Variants in NLGN1 observed in about 807,000 individuals in gnomAD.
NLGN1 encodes neuroligin 1.
In NLGN1, 12 loss-of-function variants were observed where a neutral mutation model predicts 65.5. That is an observed-to-expected ratio of 0.18 (90% CI 0.12 to 0.30). The LOEUF (loss-of-function observed/expected upper bound fraction) is 0.30, where lower values mean the gene tolerates loss of function less well. Among genes scored for constraint, NLGN1 ranks in the 10% least tolerant of loss-of-function variants. The pLI is 1.00. For missense variants in NLGN1, 750 were observed against 1,007.1 expected (o/e 0.74, Z 3.46); for synonymous variants, 350 against 359.5 (o/e 0.97, Z 0.30).
At chr3:173,774,036 G>T (rs1779955348) in intron 3 of NLGN1, among the ~76,000 whole-genome samples, 2 of 152,220 alleles carry the variant, frequency 1.3e-5, no homozygotes, top group African/African-American at 4.8e-5. Context: ...AGTGTTGCCA[G>T]AAGACAGCCA....
At chr3:174,002,061 A>G (rs1013660050) in intron 4 of NLGN1, among the ~76,000 whole-genome samples, 2 of 152,042 alleles carry the variant, frequency 1.3e-5, no homozygotes, top group Non-Finnish European at 2.9e-5. Flanking sequence ...ATTTAAAAAA[A>G]AAAAAAAAAA....
intron 2 of NLGN1, among the ~76,000 whole-genome samples, chr3:173,596,732 G>T (rs1390483102): frequency 6.6e-6 from 1 of 152,078 alleles, no homozygotes; most frequent in Non-Finnish European, 1.5e-5. Flanking sequence ...AGCATCCCTT[G>T]GAACTTCTCC....
intron 4 of NLGN1, among the ~76,000 whole-genome samples, chr3:173,902,896 G>T (rs1262975053): frequency 6.6e-6 from 1 of 152,040 alleles, no homozygotes; most frequent in East Asian, 1.9e-4. Flanking sequence ...ATCAAAGCGA[G>T]GCTTAGTACT....
At chr3:174,194,467 A>AAAAAAAAAAGAAAAAGG (rs1732996717) in intron 4 of NLGN1, among the ~76,000 whole-genome samples, 1 of 151,696 alleles carries the variant, frequency 6.6e-6, no homozygotes, top group Non-Finnish European at 1.5e-5. Flanking sequence ...AAAGAAAAAG[A>AAAAAAAAAAGAAAAAGG]AAAAAAAGAA....
intron 4 of NLGN1, among the ~76,000 whole-genome samples, chr3:174,183,643 AT>A (rs1165639866): frequency 2.0e-5 from 3 of 152,168 alleles, no homozygotes; most frequent in African/African-American, 7.2e-5. Flanking sequence ...AATGAGGAAA[AT>A]AGATATTTAC....
At chr3:173,433,378 C>T (rs1717554009) in intron 1 of NLGN1, among the ~76,000 whole-genome samples, 1 of 152,166 alleles carries the variant, frequency 6.6e-6, no homozygotes, top group Non-Finnish European at 1.5e-5. Flanking sequence ...GAAACCTCTC[C>T]TCACAGTGCT....
At chr3:173,906,364 A>C (rs1362024541) in intron 4 of NLGN1, among the ~76,000 whole-genome samples, 1 of 152,152 alleles carries the variant, frequency 6.6e-6, no homozygotes. Flanking sequence ...TCTTAGTAAG[A>C]TTCTGATAAA....
intron 3 of NLGN1, among the ~76,000 whole-genome samples, chr3:173,741,888 C>G (rs1414980862): frequency 6.6e-6 from 1 of 152,094 alleles, no homozygotes; most frequent in South Asian, 2.1e-4. Flanking sequence ...AAACTTCTGT[C>G]CCTGAGGAAA....
In NLGN1 at chr3:173,649,841, A is replaced by C. The variant is rs374767766; in HGVS notation, c.493+44750A>C. ...AGTACACTTAAAGTGTTCAATAAGAAAACTGTGTTCAAATTACTTGAGTTC... is the reference window on the plus strand; with the variant it reads ...AGTACACTTAAAGTGTTCAATAAGACAACTGTGTTCAAATTACTTGAGTTC... On this transcript the variant is annotated intron_variant, in intron 3 of 6. Transcript: ENST00000457714. 9.2e-5 allele frequency among the ~76,000 whole-genome samples: 14 copies of C among 152,182 alleles called. No homozygotes were observed. In the East Asian group the frequency reaches 1.2e-3, roughly 13 times the overall value.
At chr3:174,133,757 C>G (rs190015558) in intron 4 of NLGN1, among the ~76,000 whole-genome samples, 2 of 152,152 alleles carry the variant, frequency 1.3e-5, no homozygotes, top group East Asian at 3.9e-4. Flanking sequence ...GGCAGATTGT[C>G]GGAAGTCCCA....
intron 4 of NLGN1, among the ~76,000 whole-genome samples, chr3:174,044,090 C>G (rs938356921): frequency 6.6e-6 from 1 of 152,144 alleles, no homozygotes; most frequent in Non-Finnish European, 1.5e-5. Flanking sequence ...GTATCTTGGT[C>G]CCCTTTAGCT....
intron 3 of NLGN1, among the ~76,000 whole-genome samples, chr3:173,793,036 G>A (rs577537332): frequency 6.6e-6 from 1 of 152,078 alleles, no homozygotes; most frequent in Admixed American, 6.6e-5. Context: ...TAGAGTGCTT[G>A]CAATTTTAGT....
intron 4 of NLGN1, among the ~76,000 whole-genome samples, chr3:174,076,474 C>T (rs1740930258): frequency 6.6e-6 from 1 of 152,086 alleles, no homozygotes; most frequent in South Asian, 2.1e-4. Context: ...ATTCTGGGGA[C>T]TCAGGATGCG....
rs149849397 is a variant in NLGN1 at position 174,028,902 on chromosome 3, C to T, written c.646+221070C>T. Among the ~76,000 whole-genome samples the T allele has an allele frequency of 3.8e-3, 583 of 152,222 alleles. 3 individuals are homozygous for T. Among genetic ancestry groups the T allele is most frequent in the Admixed American group, 6.5e-3 (99 of 15,292 alleles). On this transcript the variant is annotated intron_variant, in intron 4 of 6. Coordinates refer to ENST00000457714, the Ensembl canonical transcript of NLGN1. ...AGGCCCAGGGCCTTGCTGCTTTGTGCGGTCTCAAGACTTAGTGCCCTGCAT... is the reference window on the plus strand; with the variant it reads ...AGGCCCAGGGCCTTGCTGCTTTGTGTGGTCTCAAGACTTAGTGCCCTGCAT...
chr3:173,437,375 A>G lies in NLGN1; in HGVS notation c.-321+2297A>G, dbSNP rs188321162. 2.6e-3 allele frequency among the ~76,000 whole-genome samples: 393 copies of G among 152,304 alleles called. No individual in the cohort carries two copies. The Middle Eastern group carries it at 0.031, about 12-fold the overall frequency. ...GACCTGATTACTCACTGTGACCAGA[A>G]GCCCTTTAAGATTGAATGAAGGAAG... On this transcript the variant is annotated intron_variant, in intron 2 of 6. Coordinates refer to ENST00000457714, the Ensembl canonical transcript of NLGN1.
intron 4 of NLGN1, among the ~76,000 whole-genome samples, chr3:174,083,709 T>C (rs963883887): frequency 2.6e-5 from 4 of 152,254 alleles, no homozygotes; most frequent in Admixed American, 2.6e-4. Flanking sequence ...AAGCTCTCAC[T>C]CAGAGAATTT....
chr3:173,967,768 A>G (rs560353893), intron 4 of NLGN1, among the ~76,000 whole-genome samples: 6 of 152,200 alleles, frequency 3.9e-5, no homozygotes, highest in Admixed American at 2.6e-4. Flanking sequence ...CACAGGAGCT[A>G]AGAAACAAAT....
intron 4 of NLGN1, among the ~76,000 whole-genome samples, chr3:173,957,171 A>T (rs1371258735): frequency 6.6e-6 from 1 of 152,146 alleles, no homozygotes; most frequent in African/African-American, 2.4e-5. Context: ...GTAAAAGTAT[A>T]TGTCTTTCTG....
At chr3:173,425,739 G>A (rs893292799) in intron 1 of NLGN1, among the ~76,000 whole-genome samples, 2 of 152,040 alleles carry the variant, frequency 1.3e-5, no homozygotes, top group Non-Finnish European at 2.9e-5. Flanking sequence ...CTATAGCCTT[G>A]TAGTATACTT....
Sources: gnomAD v4.1 joint callset for allele counts (sites outside exome capture counted in the v4.1 genomes callset) on GRCh38, gnomAD v4.1.1 for gene constraint, MANE v1.5 for transcripts, NCBI Gene and HGNC (gene_info 2026-07-23, HGNC 2026-07-21) for gene names.